Variants in GTSE1 observed in about 807,000 individuals in gnomAD.
The protein encoded by GTSE1 is G2 and S phase-expressed protein 1.
Under a neutral mutation model 60.5 loss-of-function variants are expected in GTSE1, and 52 were observed. The ratio of observed to expected loss-of-function variants is 0.86; its 90% CI spans 0.69 to 1.08. The LOEUF is 1.08. Among genes scored for constraint, GTSE1 ranks in the 50% least tolerant of loss-of-function variants. GTSE1 has a pLI of 0.00. For synonymous variants in GTSE1, 368 were observed against 386.5 expected (o/e 0.95, Z 0.56); for missense variants, 937 against 961.8 (o/e 0.97, Z 0.34).
chr22:46,328,978 G>A (rs992930355), intron 10 of GTSE1, 89 bp downstream of exon 10: 36 of 1,045,088 alleles, frequency 3.4e-5, no homozygotes, highest in African/African-American at 9.4e-5. Flanking sequence ...TGTGGCTGGC[G>A]GAGTTCCCTG....
At position 46,297,956 on chromosome 22, in the gene GTSE1, T is replaced by TTTTATTTA. The variant is rs111808708; in HGVS notation, c.79+496_79+503dup. Among the ~76,000 whole-genome samples, 1,333 of 151,784 alleles carry TTTTATTTA rather than the reference T, an allele frequency of 8.8e-3. 22 individuals carry two copies. The highest frequency in any genetic ancestry group is 0.031 in the African/African-American group (1,260 of 41,254). The stretch of plus-strand genomic sequence containing the variant: ...ACACCCTCTTTTTCTCTCAAAGCGT[T>TTTTATTTA]TTTATTTATTTATTTATTTATTTAT... On this transcript the variant is annotated intron_variant, in intron 2 of 11. Coordinates refer to ENST00000454366, the MANE Select transcript of GTSE1 (RefSeq NM_016426.7). The surrounding 1 kb of genome is among the most constrained non-coding windows in gnomAD (Gnocchi z 4.9).
Position 46,308,385 on chromosome 22 carries a change from C to T in GTSE1, c.204C>T (p.Ser68=). The change falls in exon 4 of 12, where the codon AGC becomes AGT. Residue 68 remains serine (S), a synonymous_variant. Coordinates refer to ENST00000454366, the MANE Select transcript of GTSE1 (RefSeq NM_016426.7). Reference sequence around the variant, plus strand: ...ATAAAGAAAGATGTATTGCTGCCAGCTTGGAATTAAATAATCCGGTTCCCG... The same window carrying T: ...ATAAAGAAAGATGTATTGCTGCCAGTTTGGAATTAAATAATCCGGTTCCCG... The part of the protein sequence containing the change: ...FGHKERCIAA[S]LELNNPVPEQ... 1.2e-6 allele frequency: 2 copies of T among 1,614,108 alleles called. No homozygotes were observed. Among genetic ancestry groups the T allele is most frequent in the Non-Finnish European group, 8.5e-7 (1 of 1,179,944 alleles).
chr22:46,317,445 T>C lies in GTSE1; in HGVS notation c.1432+1033T>C, dbSNP rs1277115692. On this transcript the variant is annotated intron_variant, in intron 7 of 11. Coordinates refer to ENST00000454366, the MANE Select transcript of GTSE1 (RefSeq NM_016426.7). This position sits in a 1 kb window ranked among gnomAD's most constrained non-coding sequence, Gnocchi z 5.6. ...TACATCCTCGTGAGCAAATTGATAA[T>C]GGTTTTAGGGTCTACGATTCTTCTC... 2.0e-5 allele frequency among the ~76,000 whole-genome samples: 3 copies of C among 152,200 alleles called. No homozygotes were observed. The highest frequency in any genetic ancestry group is 4.4e-5 in the Non-Finnish European group (3 of 68,036).
In GTSE1 at chr22:46,316,629, A is replaced by C. The variant is rs557003784; in HGVS notation, c.1432+217A>C. On this transcript the variant is annotated intron_variant, in intron 7 of 11. Transcript: ENST00000454366. The surrounding 1 kb of genome is among the most constrained non-coding windows in gnomAD (Gnocchi z 5.0). Reference sequence around the variant, plus strand: ...TTCGTTCCTGTGTGTGTGACACCCCAATGCTCGTAGGCTGCTTGTAAGGTT... The same window carrying C: ...TTCGTTCCTGTGTGTGTGACACCCCCATGCTCGTAGGCTGCTTGTAAGGTT... 2.6e-5 allele frequency among the ~76,000 whole-genome samples: 4 copies of C among 152,278 alleles called. No individual in the cohort carries two copies. Among genetic ancestry groups the C allele is most frequent in the Non-Finnish European group, 5.9e-5 (4 of 68,032 alleles).
At chr22:46,328,081 A>G (rs2077854097) in intron 9 of GTSE1, among the ~76,000 whole-genome samples, 1 of 152,226 alleles carries the variant, frequency 6.6e-6, no homozygotes, top group African/African-American at 2.4e-5. Flanking sequence ...TAGTTGATGG[A>G]CCTGCGGCTT....
intron 8 of GTSE1, among the ~76,000 whole-genome samples, chr22:46,325,321 C>T (rs535365670): frequency 3.3e-5 from 5 of 152,072 alleles, no homozygotes; most frequent in African/African-American, 7.2e-5. Context: ...CTCAGCCTCA[C>T]GAGCGGCTGG....
chr22:46,303,470 C>T (rs1472663103), intron 2 of GTSE1, among the ~76,000 whole-genome samples: 1 of 152,116 alleles, frequency 6.6e-6, no homozygotes, highest in Non-Finnish European at 1.5e-5. Flanking sequence ...ATTTGTTTCT[C>T]GTGTCTATAA....
chr22:46,320,838 G>A lies in GTSE1; in HGVS notation c.1433-2352G>A, dbSNP rs534891661. Among the ~76,000 whole-genome samples the A allele has an allele frequency of 2.0e-5, 3 of 152,130 alleles. No homozygotes were observed. The highest frequency in any genetic ancestry group is 4.4e-5 in the Non-Finnish European group (3 of 68,030). ...GCTGATGTGGGCCTGGGAGGCGTGC[G>A]TGCTCAGGCAGCCCTAGGGCAGTCG... On this transcript the variant is annotated intron_variant, in intron 7 of 11. Transcript: ENST00000454366. The surrounding 1 kb of genome is among the most constrained non-coding windows in gnomAD (Gnocchi z 7.1).
rs1470960262 is a variant in GTSE1 at position 46,310,112 on chromosome 22, G to A, written c.762+1169G>A. On this transcript the variant is annotated intron_variant, in intron 4 of 11. Coordinates refer to ENST00000454366, the MANE Select transcript of GTSE1 (RefSeq NM_016426.7). The surrounding 1 kb of genome is among the most constrained non-coding windows in gnomAD (Gnocchi z 4.4). ...ACACGTGGGAGCCCCACCATGTCCTGCATGTTTCTCTGGGAGAAGTCACTT... is the reference window on the plus strand; with the variant it reads ...ACACGTGGGAGCCCCACCATGTCCTACATGTTTCTCTGGGAGAAGTCACTT... Among the ~76,000 whole-genome samples, 1 of 152,230 alleles carries A rather than the reference G, an allele frequency of 6.6e-6. No homozygotes were observed. Among genetic ancestry groups the A allele is most frequent in the Admixed American group, 6.5e-5 (1 of 15,284 alleles).
At chr22:46,301,780 C>T (rs1226344861) in intron 2 of GTSE1, among the ~76,000 whole-genome samples, 5 of 152,144 alleles carry the variant, frequency 3.3e-5, no homozygotes, top group African/African-American at 4.8e-5. Flanking sequence ...GGAGCCACAG[C>T]GCCCAGCCTC....
chr22:46,309,112 G>C lies in GTSE1; in HGVS notation c.762+169G>C, dbSNP rs1179030532. Among the ~76,000 whole-genome samples, 1 of 152,244 alleles carries C rather than the reference G, an allele frequency of 6.6e-6. No individual in the cohort carries two copies. ...AGTTGCCAATAGGGAGCTGATGTGG[G>C]GGTGGCTTGGATAAGTTGGGTTGAC... On this transcript the variant is annotated intron_variant, in intron 4 of 11. Transcript: ENST00000454366. The surrounding 1 kb of genome is among the most constrained non-coding windows in gnomAD (Gnocchi z 6.2).
chr22:46,321,463 T>C lies in GTSE1; in HGVS notation c.1433-1727T>C, dbSNP rs1326188785. On this transcript the variant is annotated intron_variant, in intron 7 of 11. Transcript: ENST00000454366. This position sits in a 1 kb window ranked among gnomAD's most constrained non-coding sequence, Gnocchi z 4.0. ...CGGAGGTGGAGAGAGGGTGGGAGCA[T>C]GTTTGACTCAGCTGTGTGCGAGCTG... is the stretch of plus-strand genomic sequence containing the variant. Among the ~76,000 whole-genome samples the C allele has an allele frequency of 6.6e-6, 1 of 151,998 alleles. No individual in the cohort carries two copies. The highest frequency in any genetic ancestry group is 1.9e-4 in the East Asian group (1 of 5,170).
rs760646187 is a variant in GTSE1 at position 46,312,160 on chromosome 22, C to A, written c.782C>A (p.Ala261Asp). ...TTTCAGCCCAAGAAAGAGATTCCAG[C>A]TAGTCCTTCCAGGACAAAAATCCCA... Reference protein sequence around the residue: ...AAEKPKKEIPASPSRTKIPAE... With the variant: ...AAEKPKKEIPDSPSRTKIPAE... Residue 261 changes from alanine (A) to aspartate (D), a missense_variant, in exon 5 of 12, where the codon GCT (alanine) becomes GAT (aspartate). Coordinates refer to ENST00000454366, the MANE Select transcript of GTSE1 (RefSeq NM_016426.7). The A allele has an allele frequency of 2.5e-6, 4 of 1,613,276 alleles. No homozygotes were observed. In the Admixed American group the frequency reaches 5.0e-5, roughly 20 times the overall value.
At position 46,319,989 on chromosome 22, in the gene GTSE1, A is replaced by T. The variant is rs1569044507; in HGVS notation, c.1433-3201A>T. On this transcript the variant is annotated intron_variant, in intron 7 of 11. Coordinates refer to ENST00000454366, the MANE Select transcript of GTSE1 (RefSeq NM_016426.7). This position sits in a 1 kb window ranked among gnomAD's most constrained non-coding sequence, Gnocchi z 5.0. ...GACAGAACGAGACTGTCTCAAAAAA[A>T]AAAAAAAGAAAGAAAGAAAGAAAAG... 6.6e-6 allele frequency among the ~76,000 whole-genome samples: 1 copy of T among 151,888 alleles called. No homozygotes were observed. Among genetic ancestry groups the T allele is most frequent in the Admixed American group, 6.6e-5 (1 of 15,260 alleles).
Position 46,316,192 on chromosome 22 carries a change from G to A in GTSE1, c.1212G>A (p.Glu404=). The change falls in exon 7 of 12, where the codon GAG becomes GAA. Residue 404 remains glutamate, a synonymous_variant. Coordinates refer to ENST00000454366, the MANE Select transcript of GTSE1 (RefSeq NM_016426.7). The surrounding 1 kb of genome is among the most constrained non-coding windows in gnomAD (Gnocchi z 5.0). ...SWQAKRVDVS[E]LAAEQLTAPP... ...AGGCCAAGCGGGTCGATGTTTCTGAGCTGGCAGCGGAGCAGCTCACGGCAC... is the reference window on the plus strand; with the variant it reads ...AGGCCAAGCGGGTCGATGTTTCTGAACTGGCAGCGGAGCAGCTCACGGCAC... 1.2e-6 allele frequency: 2 copies of A among 1,613,676 alleles called. No individual in the cohort carries two copies. The highest frequency in any genetic ancestry group is 8.5e-7 in the Non-Finnish European group (1 of 1,179,930).
intron 2 of GTSE1, among the ~76,000 whole-genome samples, chr22:46,300,061 C>T (rs1433150271): frequency 2.7e-5 from 4 of 150,600 alleles, no homozygotes; most frequent in African/African-American, 4.9e-5. Flanking sequence ...CCTGGGCCTC[C>T]GGAAGTGCTG....
At position 46,324,543 on chromosome 22, in the gene GTSE1, A is replaced by G. The variant is rs2077833155; in HGVS notation, c.1505+1281A>G. On this transcript the variant is annotated intron_variant, in intron 8 of 11. Transcript: ENST00000454366. The surrounding 1 kb of genome is among the most constrained non-coding windows in gnomAD (Gnocchi z 5.2). Reference sequence around the variant, plus strand: ...CCACCACGCCCGGCTAAGTTTTTGTATTTTTAGTAGAGACGGGGTTTCACC... The same window carrying G: ...CCACCACGCCCGGCTAAGTTTTTGTGTTTTTAGTAGAGACGGGGTTTCACC... 6.6e-6 allele frequency among the ~76,000 whole-genome samples: 1 copy of G among 151,382 alleles called. No homozygotes were observed. The highest frequency in any genetic ancestry group is 1.5e-5 in the Non-Finnish European group (1 of 67,826).
chr22:46,315,941 T>C (rs1601910254), intron 6 of GTSE1, 91 bp from the exon 7 acceptor site: 1 of 977,904 alleles, frequency 1.0e-6, no homozygotes, highest in Non-Finnish European at 1.5e-6. Flanking sequence ...ATGTTTAAGG[T>C]AGATATGCTA....
chr22:46,302,505 G>A (rs1357435384), intron 2 of GTSE1, among the ~76,000 whole-genome samples: 1 of 152,084 alleles, frequency 6.6e-6, no homozygotes, highest in African/African-American at 2.4e-5. Flanking sequence ...CTCCCTGGTA[G>A]CTGAGACTAC....
Sources: allele counts gnomAD v4.1 joint callset (sites outside exome capture counted in the v4.1 genomes callset), GRCh38; gene constraint gnomAD v4.1.1; non-coding constraint Gnocchi (gnomAD v3.1); transcripts MANE v1.5; gene names NCBI Gene and HGNC (gene_info 2026-07-23, HGNC 2026-07-21).